TLN2: variants seen among roughly 807,000 people sequenced by gnomAD.
The protein encoded by TLN2 is talin 2, also known as talin-2.
In TLN2, 118 loss-of-function variants were observed where a neutral mutation model predicts 294.7. That is an observed-to-expected ratio of 0.40 (90% CI 0.34 to 0.47). The LOEUF is 0.47. TLN2 is among the 20% of genes least tolerant of loss of function. The pLI, the probability that TLN2 is intolerant of heterozygous loss-of-function variation, is 0.84. For missense variants in TLN2, 3,083 were observed against 3,282.2 expected (o/e 0.94, Z 1.48); for synonymous variants, 1,431 against 1,304.5 (o/e 1.10, Z -2.09).
intron 58 of TLN2, 35 bp downstream of exon 58, chr15:62,839,016 C>T (rs376437124): frequency 5.9e-5 from 95 of 1,600,258 alleles, no homozygotes; most frequent in African/African-American, 1.7e-4. Context: ...ATTTACTTCC[C>T]GAGAGAGGTG....
chr15:62,662,063 A>G (rs7180512), intron 9 of TLN2, among the ~76,000 whole-genome samples: 2,123 of 152,244 alleles, frequency 0.014, 61 homozygotes, highest in African/African-American at 0.049. Context: ...CAAGATCAAA[A>G]TAGAAGAAAT....
At chr15:62,701,062 A>G (rs1281487258) in intron 16 of TLN2, 44 bp from the exon 17 acceptor site, 1 of 1,544,030 alleles carries the variant, frequency 6.5e-7, no homozygotes, top group African/African-American at 1.4e-5. Flanking sequence ...TCTCCTGGGT[A>G]ATTCTGTGCT....
chr15:62,671,113 C>T (rs2055359571), intron 9 of TLN2, among the ~76,000 whole-genome samples: 1 of 152,124 alleles, frequency 6.6e-6, no homozygotes, highest in Non-Finnish European at 1.5e-5. Flanking sequence ...ATGTCCTCTG[C>T]CCATTTTTAA....
At chr15:62,741,748 C>CGCGCGCGCGCGTGT in intron 32 of TLN2, among the ~76,000 whole-genome samples, 4 of 131,072 alleles carry the variant, frequency 3.1e-5, no homozygotes, top group African/African-American at 1.2e-4. Context: ...AAAATTTGCG[C>CGCGCGCGCGCGTGT]GTGTGTGTGT....
chr15:62,699,071 C>A (rs977311172), intron 16 of TLN2, among the ~76,000 whole-genome samples: 1 of 152,220 alleles, frequency 6.6e-6, no homozygotes. Context: ...TTGGCAGTAC[C>A]ACGGGTGGGC....
chr15:62,712,085 A>G lies in TLN2; in HGVS notation c.2634+8A>G, dbSNP rs779504394. The G allele has an allele frequency of 6.2e-7, 1 of 1,612,666 alleles. No homozygotes were observed. The highest frequency in any genetic ancestry group is 8.5e-7 in the Non-Finnish European group (1 of 1,178,964). On this transcript the variant is annotated splice_region_variant and intron_variant, in intron 22 of 58. Coordinates refer to ENST00000636159, the MANE Select transcript of TLN2 (RefSeq NM_015059.3). ...ATGGTGGAAGCTGCAAAGGTATTCTACTGGATTTGTTTGTATGAAAAGTGA... is the reference window on the plus strand; with the variant it reads ...ATGGTGGAAGCTGCAAAGGTATTCTGCTGGATTTGTTTGTATGAAAAGTGA...
chr15:62,735,620 A>AG (rs2060970471), intron 28 of TLN2, among the ~76,000 whole-genome samples: 1 of 152,246 alleles, frequency 6.6e-6, no homozygotes, highest in Non-Finnish European at 1.5e-5. Flanking sequence ...CAGTTCTTAC[A>AG]GATTGCCAGT....
In TLN2 at chr15:62,727,203, CCTTCATGCCACTGTGGCCAG is replaced by C. The variant is rs1205954706; in HGVS notation, c.3358+20_3358+39del. On this transcript the variant is annotated intron_variant, in intron 28 of 58. Coordinates refer to ENST00000636159, the MANE Select transcript of TLN2 (RefSeq NM_015059.3). ...AACACTACACAGGTGAGACCCACGC[CCTTCATGCCACTGTGGCCAG>C]CTTCAGGCCACTGGGTGTAGTGGGG... 1.7e-5 allele frequency: 27 copies of C among 1,607,402 alleles called. No individual in the cohort carries two copies. The highest frequency in any genetic ancestry group is 2.2e-5 in the Non-Finnish European group (26 of 1,176,134).
rs373461471 is a variant in TLN2, at chr15:62,642,075, C to T, written c.-36-5200C>T. On this transcript the variant is annotated intron_variant, in intron 3 of 58. Transcript: ENST00000636159. ...ACCACTGGTTTCGTCAGCTCCGCTT[C>T]CACAAAGGAAACCACAGAAGGGTTT... Among the ~76,000 whole-genome samples the T allele has an allele frequency of 9.8e-5, 15 of 152,330 alleles. No individual in the cohort carries two copies. In the South Asian group the frequency reaches 3.1e-3, roughly 32 times the overall value.
intron 1 of TLN2, among the ~76,000 whole-genome samples, chr15:62,505,169 G>C (rs925280106): frequency 2.0e-5 from 3 of 152,072 alleles, no homozygotes; most frequent in Admixed American, 6.6e-5. Context: ...ATGTTGGCCA[G>C]GCCAGTCTCG....
intron 1 of TLN2, among the ~76,000 whole-genome samples, chr15:62,421,061 C>T (rs1470153476): frequency 1.3e-5 from 2 of 152,218 alleles, no homozygotes; most frequent in African/African-American, 2.4e-5. Context: ...TATATAACCT[C>T]TGGAAAACTT....
At chr15:62,417,284 G>GT (rs2034137068) in intron 1 of TLN2, among the ~76,000 whole-genome samples, 1 of 152,088 alleles carries the variant, frequency 6.6e-6, no homozygotes, top group Non-Finnish European at 1.5e-5. Context: ...CGGCATCTTT[G>GT]TCCCTTCTTT....
intron 52 of TLN2, among the ~76,000 whole-genome samples, chr15:62,812,984 A>G (rs1399799281): frequency 6.6e-6 from 1 of 152,218 alleles, no homozygotes; most frequent in Admixed American, 6.5e-5. Context: ...TTTCTGTAAC[A>G]GGAAGAAGGG....
intron 1 of TLN2, among the ~76,000 whole-genome samples, chr15:62,518,164 G>A (rs1466682609): frequency 1.3e-5 from 2 of 151,910 alleles, no homozygotes; most frequent in East Asian, 3.9e-4. Context: ...TCAGCCTCCT[G>A]AGTAGTTGGG....
Position 62,738,345 on chromosome 15 carries a change from T to C in TLN2, c.3687+12T>C. 6.2e-7 allele frequency: 1 copy of C among 1,613,572 alleles called. No homozygotes were observed. Among genetic ancestry groups the C allele is most frequent in the South Asian group, 1.1e-5 (1 of 90,906 alleles). On this transcript the variant is annotated intron_variant, in intron 30 of 58. Coordinates refer to ENST00000636159, the MANE Select transcript of TLN2 (RefSeq NM_015059.3). ...TGCTTGTGGATTCGGTGAGAGGTTCTTAGATTGAGAAAGGACACTGGGGGA... is the reference window on the plus strand; with the variant it reads ...TGCTTGTGGATTCGGTGAGAGGTTCCTAGATTGAGAAAGGACACTGGGGGA...
chr15:62,461,506 G>A (rs763447973), intron 1 of TLN2, among the ~76,000 whole-genome samples: 9 of 152,304 alleles, frequency 5.9e-5, no homozygotes, highest in African/African-American at 1.9e-4. Flanking sequence ...TCTTCAACAC[G>A]GATGGGTTTA....
At chr15:62,463,639 A>C (rs187780752) in intron 1 of TLN2, among the ~76,000 whole-genome samples, 1 of 152,318 alleles carries the variant, frequency 6.6e-6, no homozygotes, top group East Asian at 1.9e-4. Context: ...TAATCCCAGC[A>C]CTTTGCGACG....
At chr15:62,519,483 A>G (rs1595997991) in intron 1 of TLN2, among the ~76,000 whole-genome samples, 1 of 152,210 alleles carries the variant, frequency 6.6e-6, no homozygotes, top group African/African-American at 2.4e-5. Context: ...TTGGCTGGTG[A>G]TGATGATAGC....
rs139184162 is a variant in TLN2 at position 62,450,382 on chromosome 15, C to T, written c.-238+59697C>T. ...GCTTATCCTTTAGTTAACTCGGGCACGAGTTTAACTTGTATGTAAATACAT... is the reference window on the plus strand; with the variant it reads ...GCTTATCCTTTAGTTAACTCGGGCATGAGTTTAACTTGTATGTAAATACAT... On this transcript the variant is annotated intron_variant, in intron 1 of 58. Transcript: ENST00000636159. Among the ~76,000 whole-genome samples the T allele has an allele frequency of 1.3e-3, 198 of 152,190 alleles. 2 individuals are homozygous for T. The highest frequency in any genetic ancestry group is 0.011 in the South Asian group (52 of 4,802).
Sources: gnomAD v4.1 joint callset for allele counts (sites outside exome capture counted in the v4.1 genomes callset) on GRCh38, gnomAD v4.1.1 for gene constraint, MANE v1.5 for transcripts, NCBI Gene and HGNC (gene_info 2026-07-23, HGNC 2026-07-21) for gene names.